Variants in MPP7 observed in about 807,000 individuals in gnomAD.
The protein encoded by MPP7 is MAGUK p55 scaffold protein 7.
Under a neutral mutation model 76.5 loss-of-function variants are expected in MPP7, and 60 were observed. The observed-to-expected ratio is 0.78, with a 90% CI of 0.64 to 0.97. The LOEUF is 0.97. MPP7 is among the 50% of genes least tolerant of loss of function. The probability of loss-of-function intolerance (pLI) is 0.00; values close to 1 mark genes in which losing one functional copy is unlikely to be tolerated. For synonymous variants in MPP7, 237 were observed against 244.5 expected (o/e 0.97, Z 0.29); for missense variants, 641 against 694.0 (o/e 0.92, Z 0.86).
chr10:28,052,778 A>T lies in MPP7; in HGVS notation c.*1287T>A, dbSNP rs1192988480. 6.6e-6 allele frequency: 1 copy of T among 152,200 alleles called. No homozygotes were observed. The highest frequency in any genetic ancestry group is 6.5e-5 in the Admixed American group (1 of 15,270). 9.4% of individuals were successfully genotyped at this position (152,200 alleles called of 1,614,324 possible). A position where few individuals can be genotyped will look rare whatever the true frequency, so the allele number is the denominator to read the frequency against. On this transcript the variant is annotated 3_prime_UTR_variant, in exon 17 of 17. Transcript: ENST00000683449. ...ACTCTCTTTACAAATCAACAAAAAAATAACATTTTTTTTTCCACTTTGAAA... is the reference window on the plus strand; with the variant it reads ...ACTCTCTTTACAAATCAACAAAAAATTAACATTTTTTTTTCCACTTTGAAA...
chr10:28,147,312 T>G (rs1253519036), intron 5 of MPP7, among the ~76,000 whole-genome samples, 171 bp downstream of exon 5: 2 of 152,162 alleles, frequency 1.3e-5, no homozygotes, highest in African/African-American at 4.8e-5. Context: ...TCTCATCACA[T>G]TATAATCAAA....
chr10:28,132,396 A>C (rs1835221374), intron 5 of MPP7, among the ~76,000 whole-genome samples: 1 of 152,080 alleles, frequency 6.6e-6, no homozygotes, highest in Non-Finnish European at 1.5e-5. Context: ...CTCTCCTCTT[A>C]CTGACATTCT....
At chr10:28,234,981 T>C (rs1372356115) in intron 2 of MPP7, among the ~76,000 whole-genome samples, 2 of 152,184 alleles carry the variant, frequency 1.3e-5, no homozygotes, top group East Asian at 3.9e-4. Flanking sequence ...CCTAATTTTT[T>C]GTATTTTTAG....
chr10:28,092,740 A>AT (rs536385197), intron 11 of MPP7, among the ~76,000 whole-genome samples: 46,152 of 105,222 alleles, frequency 0.44, 12,766 homozygotes, highest in Non-Finnish European at 0.57. Flanking sequence ...ACCTGGCTCA[A>AT]TTTTTTTTTT....
chr10:28,113,147 C>T (rs1834556324), intron 11 of MPP7, among the ~76,000 whole-genome samples: 2 of 152,170 alleles, frequency 1.3e-5, no homozygotes, highest in South Asian at 4.2e-4. Flanking sequence ...CACAGCATAA[C>T]TCCACGGAAC....
At chr10:28,181,671 C>A (rs139156550) in intron 3 of MPP7, among the ~76,000 whole-genome samples, 1 of 152,194 alleles carries the variant, frequency 6.6e-6, no homozygotes, top group East Asian at 1.9e-4. Flanking sequence ...ACACCTACTA[C>A]GCTTTGAGGT....
chr10:28,210,124 G>T (rs1424240433), intron 2 of MPP7, among the ~76,000 whole-genome samples: 1 of 152,066 alleles, frequency 6.6e-6, no homozygotes, highest in Non-Finnish European at 1.5e-5. Context: ...TTGGCTCTCA[G>T]GCCTTCAGAC....
In MPP7 at chr10:28,147,471, A is replaced by G. The variant is rs767102939; in HGVS notation, c.315+12T>C. The G allele has an allele frequency of 6.2e-7, 1 of 1,609,220 alleles. No homozygotes were observed. The highest frequency in any genetic ancestry group is 8.5e-7 in the Non-Finnish European group (1 of 1,175,506). On this transcript the variant is annotated intron_variant, in intron 5 of 16. Transcript: ENST00000683449. ...TTTGAAGGTATTTATTACCGGCGTA[A>G]CATGTCCTCACCTTCACATTGGGTT...
intron 12 of MPP7, among the ~76,000 whole-genome samples, chr10:28,073,136 T>C (rs1852315710): frequency 6.6e-6 from 1 of 152,186 alleles, no homozygotes; most frequent in South Asian, 2.1e-4. Flanking sequence ...ATTTCGACTT[T>C]TCTCCAGGCT....
chr10:28,097,969 T>TG (rs1853646045), intron 11 of MPP7, among the ~76,000 whole-genome samples: 2 of 152,170 alleles, frequency 1.3e-5, no homozygotes, highest in African/African-American at 4.8e-5. Flanking sequence ...TTTTAAAACT[T>TG]GGACAGTTGC....
At chr10:28,313,292 G>A (rs1031038900) in intron 2 of MPP7, among the ~76,000 whole-genome samples, 1 of 152,116 alleles carries the variant, frequency 6.6e-6, no homozygotes, top group African/African-American at 2.4e-5. Context: ...GATCACTTGA[G>A]GTCAGGAGTT....
intron 12 of MPP7, among the ~76,000 whole-genome samples, chr10:28,089,230 C>T (rs1255100294): frequency 2.6e-5 from 4 of 152,084 alleles, no homozygotes; most frequent in African/African-American, 4.8e-5. Context: ...AACTTTAAAG[C>T]GACTTTGCTG....
At chr10:28,131,717 A>G (rs1298649929) in intron 5 of MPP7, 26 bp from the exon 6 acceptor site, 17 of 1,399,954 alleles carry the variant, frequency 1.2e-5, no homozygotes, top group Non-Finnish European at 1.6e-5. Context: ...GTTGATTTAA[A>G]TAAGTAAATA....
intron 1 of MPP7, among the ~76,000 whole-genome samples, chr10:28,271,463 A>G (rs564269666): frequency 2.0e-5 from 3 of 152,340 alleles, no homozygotes; most frequent in African/African-American, 7.2e-5. Context: ...GGCTTGATGC[A>G]GGAGCATAAT....
intron 8 of MPP7, among the ~76,000 whole-genome samples, chr10:28,121,148 A>T (rs60563943): frequency 0.041 from 6,307 of 152,110 alleles, 267 homozygotes; most frequent in East Asian, 0.11. Context: ...TACAAAAAAA[A>T]TTTTAAAAAT....
intron 1 of MPP7, among the ~76,000 whole-genome samples, chr10:28,262,225 A>G (rs1427713070): frequency 4.2e-5 from 1 of 23,638 alleles, no homozygotes; most frequent in Admixed American, 5.0e-4. Flanking sequence ...ATATATATAT[A>G]CATATATATA....
intron 2 of MPP7, among the ~76,000 whole-genome samples, chr10:28,214,325 C>G (rs958274135): frequency 1.5e-4 from 23 of 152,200 alleles, no homozygotes; most frequent in African/African-American, 5.1e-4. Flanking sequence ...ATGACTGCTA[C>G]TGCTGTCATG....
chr10:28,086,658 C>T (rs545845667), intron 12 of MPP7, among the ~76,000 whole-genome samples: 9 of 152,100 alleles, frequency 5.9e-5, no homozygotes, highest in Non-Finnish European at 1.0e-4. Context: ...TTTGTCCTGA[C>T]GACCGTTTCA....
At chr10:28,238,821 C>T (rs1331855794) in intron 1 of MPP7, 86 bp from the exon 2 acceptor site, 2 of 582,554 alleles carry the variant, frequency 3.4e-6, no homozygotes, top group East Asian at 2.8e-5. Flanking sequence ...AATTCTCATC[C>T]CAATCACTAT....
Sources: gnomAD v4.1 joint callset for allele counts (sites outside exome capture counted in the v4.1 genomes callset) on GRCh38, gnomAD v4.1.1 for gene constraint, MANE v1.5 for transcripts, NCBI Gene and HGNC (gene_info 2026-07-23, HGNC 2026-07-21) for gene names.